LMBRD2: variants seen among roughly 807,000 people sequenced by gnomAD.
LMBRD2 encodes the protein G protein-coupled receptor-associated protein LMBRD2.
In LMBRD2, 55 loss-of-function variants were observed where a neutral mutation model predicts 94.4. That is an observed-to-expected ratio of 0.58 (90% CI 0.47 to 0.73). LMBRD2 has a LOEUF of 0.73. Ranked by LOEUF, LMBRD2 falls within the 30% of genes least tolerant of loss-of-function variation. The pLI, the probability that LMBRD2 is intolerant of heterozygous loss-of-function variation, is 0.00. For synonymous variants in LMBRD2, 246 were observed against 272.4 expected (o/e 0.90, Z 0.95); for missense variants, 640 against 831.9 (o/e 0.77, Z 2.84).
Position 36,114,409 on chromosome 5 carries a change from T to C in LMBRD2, c.1640+15A>G. ...GATTTAAGAGCAAAAGAAAAAACAATGTTAAGTTTCTTACCTAAAATAAGT... is the reference window on the plus strand; with the variant it reads ...GATTTAAGAGCAAAAGAAAAAACAACGTTAAGTTTCTTACCTAAAATAAGT... On this transcript the variant is annotated intron_variant, in intron 13 of 17. Coordinates refer to ENST00000296603, the MANE Select transcript of LMBRD2 (RefSeq NM_001007527.2). 3 of 1,551,354 alleles carry C rather than the reference T, an allele frequency of 1.9e-6. No homozygotes were observed. Among genetic ancestry groups the C allele is most frequent in the Non-Finnish European group, 2.6e-6 (3 of 1,157,968 alleles).
intron 8 of LMBRD2, 140 bp downstream of exon 8, chr5:36,122,708 A>C: frequency 8.5e-7 from 1 of 1,173,542 alleles, no homozygotes; most frequent in South Asian, 1.7e-5. Context: ...ACAGAGATAA[A>C]ATATTTCAAA....
chr5:36,127,126 G>T (rs1408472180), intron 6 of LMBRD2, among the ~76,000 whole-genome samples: 2 of 152,194 alleles, frequency 1.3e-5, no homozygotes, highest in Non-Finnish European at 2.9e-5. Flanking sequence ...TAGAAAGTCA[G>T]TAGAATAGGA....
chr5:36,119,676 C>T (rs894264790), intron 9 of LMBRD2, among the ~76,000 whole-genome samples: 1 of 152,134 alleles, frequency 6.6e-6, no homozygotes, highest in Non-Finnish European at 1.5e-5. Flanking sequence ...CTCAGTACTG[C>T]CTCACTAGCC....
chr5:36,133,721 C>T (rs916832503), intron 6 of LMBRD2, among the ~76,000 whole-genome samples: 4 of 152,070 alleles, frequency 2.6e-5, no homozygotes, highest in Non-Finnish European at 5.9e-5. Flanking sequence ...AACTTTTTTA[C>T]ACAGCTTAAA....
chr5:36,130,614 C>T lies in LMBRD2; in HGVS notation c.747+5695G>A, dbSNP rs193149565. Among the ~76,000 whole-genome samples, 368 of 152,228 alleles carry T rather than the reference C, an allele frequency of 2.4e-3. 1 individual carries two copies. Among genetic ancestry groups the T allele is most frequent in the Non-Finnish European group, 4.7e-3 (323 of 68,014 alleles). ...ACACTGAATGTAAATGAACTAAACT[C>T]TTCAATCAAAAGACACAGAGTGGCT... On this transcript the variant is annotated intron_variant, in intron 6 of 17. Coordinates refer to ENST00000296603, the MANE Select transcript of LMBRD2 (RefSeq NM_001007527.2).
At chr5:36,136,909 GAACA>G (rs1345021688) in intron 5 of LMBRD2, among the ~76,000 whole-genome samples, 8 of 151,720 alleles carry the variant, frequency 5.3e-5, no homozygotes, top group South Asian at 2.1e-4. Flanking sequence ...GTAACATTAA[GAACA>G]AATATGCCTT....
At chr5:36,127,409 C>A (rs1744032115) in intron 6 of LMBRD2, among the ~76,000 whole-genome samples, 2 of 152,106 alleles carry the variant, frequency 1.3e-5, no homozygotes, top group African/African-American at 2.4e-5. Context: ...TTCATAAAAA[C>A]CAAAAAACAA....
At chr5:36,106,210 T>C (rs1338122673) in intron 16 of LMBRD2, among the ~76,000 whole-genome samples, 1 of 152,172 alleles carries the variant, frequency 6.6e-6, no homozygotes, top group Non-Finnish European at 1.5e-5. Context: ...CAAATCCCTT[T>C]ACAGAATCCT....
intron 9 of LMBRD2, among the ~76,000 whole-genome samples, chr5:36,121,266 C>G (rs1743881835): frequency 6.6e-6 from 1 of 152,236 alleles, no homozygotes; most frequent in East Asian, 1.9e-4. Flanking sequence ...TGAATGAAAA[C>G]AGATAACACA....
In LMBRD2 at chr5:36,102,270, G is replaced by A. The variant is rs971974068; in HGVS notation, c.*1776C>T. On this transcript the variant is annotated 3_prime_UTR_variant, in exon 18 of 18. Coordinates refer to ENST00000296603, the MANE Select transcript of LMBRD2 (RefSeq NM_001007527.2). ...CAACTTCCTCACAATGGCTTTGTAA[G>A]GTAGATCAGCAGGTAAATAGCAAGT... is the stretch of plus-strand genomic sequence containing the variant. 2.0e-5 allele frequency: 3 copies of A among 151,872 alleles called. No individual in the cohort carries two copies. The highest frequency in any genetic ancestry group is 7.2e-5 in the African/African-American group (3 of 41,386). 9.4% of individuals were successfully genotyped at this position (151,872 alleles called of 1,614,324 possible). A position where few individuals can be genotyped will look rare whatever the true frequency, so the allele number is the denominator to read the frequency against.
Position 36,124,242 on chromosome 5 carries a change from G to T in LMBRD2, c.771C>A (p.Ser257Arg). ...TTCTCAATGGGTGATTATACTTGAT[G>T]CTTTCATTCACTTTACGAACCTCCT... Reference protein sequence around the residue: ...AMEEVRKVNESIKYNHPLRKC... With the variant: ...AMEEVRKVNERIKYNHPLRKC... The change falls in exon 7 of 18, where the codon AGC becomes AGA. Residue 257 changes from serine to arginine, a missense_variant. By Grantham distance (110) the Ser-to-Arg change is moderately radical. Transcript: ENST00000296603. 2 of 1,588,036 alleles carry T rather than the reference G, an allele frequency of 1.3e-6. No homozygotes were observed. The highest frequency in any genetic ancestry group is 1.7e-6 in the Non-Finnish European group (2 of 1,158,212).
chr5:36,136,802 T>A lies in LMBRD2; in HGVS notation c.537-283A>T, dbSNP rs572164713. Among the ~76,000 whole-genome samples the A allele has an allele frequency of 1.3e-3, 202 of 152,326 alleles. 1 individual carries two copies. Among genetic ancestry groups the A allele is most frequent in the African/African-American group, 4.7e-3 (194 of 41,580 alleles). ...ATACAATAGTGAGACCTAGCACTGC[T>A]GATCTATTCCTAAATTTTCAGATGT... is the stretch of plus-strand genomic sequence containing the variant. On this transcript the variant is annotated intron_variant, in intron 5 of 17. Transcript: ENST00000296603.
intron 9 of LMBRD2, among the ~76,000 whole-genome samples, chr5:36,121,673 T>C (rs1389951136): frequency 6.6e-6 from 1 of 152,202 alleles, no homozygotes; most frequent in Non-Finnish European, 1.5e-5. Context: ...ATTCTAACTA[T>C]TTTAAGTACA....
chr5:36,149,836 G>C (rs1035689778), intron 1 of LMBRD2, among the ~76,000 whole-genome samples: 9 of 152,216 alleles, frequency 5.9e-5, no homozygotes, highest in Non-Finnish European at 1.2e-4. Flanking sequence ...GAACATGGGA[G>C]GTGGAGGTTA....
chr5:36,132,899 TCTCAC>T (rs1744187238), intron 6 of LMBRD2, among the ~76,000 whole-genome samples: 1 of 151,490 alleles, frequency 6.6e-6, no homozygotes, highest in African/African-American at 2.4e-5. Context: ...TGAGATATCA[TCTCAC>T]CCCAGTTAAA....
intron 1 of LMBRD2, among the ~76,000 whole-genome samples, chr5:36,148,738 G>T (rs1433742814): frequency 6.6e-6 from 1 of 152,206 alleles, no homozygotes; most frequent in Non-Finnish European, 1.5e-5. Flanking sequence ...GTAAAGCTGG[G>T]ATTCAAATAG....
rs567676541 is a variant in LMBRD2, at chr5:36,103,085, C to T, written c.*961G>A. The T allele has an allele frequency of 2.0e-5, 3 of 152,184 alleles. No homozygotes were observed. Among genetic ancestry groups the T allele is most frequent in the Non-Finnish European group, 3.0e-5 (2 of 67,742 alleles). 9.4% of individuals were successfully genotyped at this position (152,184 alleles called of 1,614,324 possible). A position where few individuals can be genotyped will look rare whatever the true frequency, so the allele number is the denominator to read the frequency against. The stretch of plus-strand genomic sequence containing the variant: ...ATATAGTTTTGTTTTCTATAAACCA[C>T]GATTTAAGTATCAGTAATAACAGTA... On this transcript the variant is annotated 3_prime_UTR_variant, in exon 18 of 18. Coordinates refer to ENST00000296603, the MANE Select transcript of LMBRD2 (RefSeq NM_001007527.2).
At chr5:36,131,864 T>C (rs1579518695) in intron 6 of LMBRD2, among the ~76,000 whole-genome samples, 1 of 152,234 alleles carries the variant, frequency 6.6e-6, no homozygotes, top group East Asian at 1.9e-4. Context: ...ATTGGAAGAA[T>C]CAATATTGTT....
chr5:36,141,101 A>C lies in LMBRD2; in HGVS notation c.368+6T>G, dbSNP rs371480989. Reference sequence around the variant, plus strand: ...TTTAAAAATTTTATCATTTACTGTAACTTACCATGTTAAAAATTGTGACGT... The same window carrying C: ...TTTAAAAATTTTATCATTTACTGTACCTTACCATGTTAAAAATTGTGACGT... On this transcript the variant is annotated splice_donor_region_variant and intron_variant, in intron 4 of 17. Transcript: ENST00000296603. The C allele has an allele frequency of 1.0e-4, 155 of 1,533,382 alleles. 1 individual carries two copies. The highest frequency in any genetic ancestry group is 9.7e-5 in the Non-Finnish European group (108 of 1,115,766). The allele number at this position is 1,533,382 out of a possible 1,614,324, so 95.0% of individuals were successfully genotyped here.
Sources: gnomAD v4.1 joint callset for allele counts (sites outside exome capture counted in the v4.1 genomes callset) on GRCh38, gnomAD v4.1.1 for gene constraint, MANE v1.5 for transcripts, NCBI Gene and HGNC (gene_info 2026-07-23, HGNC 2026-07-21) for gene names.